The following EFCAB6 variants were observed in gnomAD, a reference collection of about 807,000 sequenced individuals.
EFCAB6 encodes the protein EF-hand calcium binding domain 6, also known as EF-hand calcium-binding domain-containing protein 6.
EFCAB6 carries 156 observed loss-of-function variants against 169.8 expected under a neutral mutation model. That is an observed-to-expected ratio of 0.92 (90% CI 0.81 to 1.05). The LOEUF (loss-of-function observed/expected upper bound fraction) is 1.05, where lower values mean the gene tolerates loss of function less well. Ranked by LOEUF, EFCAB6 falls within the 50% of genes least tolerant of loss-of-function variation. EFCAB6 has a pLI of 0.00. For missense variants in EFCAB6, 1,800 were observed against 1,829.1 expected, an observed-to-expected ratio of 0.98 and a Z score of 0.29; for synonymous variants, 698 against 676.4, an observed-to-expected ratio of 1.03 and a Z score of -0.50.
At chr22:43,711,440 G>T (rs753740192) in intron 10 of EFCAB6, 35 bp downstream of exon 10, 4 of 1,530,834 alleles carry the variant, frequency 2.6e-6, no homozygotes, top group Non-Finnish European at 3.5e-6. Context: ...TGACGTTTGG[G>T]GAAAAAAATG....
chr22:43,639,118 C>T (rs1179909705), intron 17 of EFCAB6, among the ~76,000 whole-genome samples: 1 of 152,132 alleles, frequency 6.6e-6, no homozygotes, highest in Non-Finnish European at 1.5e-5. Flanking sequence ...TGTTATAAAT[C>T]CCACAAGACA....
At chr22:43,682,771 C>T (rs897933427) in intron 12 of EFCAB6, among the ~76,000 whole-genome samples, 3 of 152,222 alleles carry the variant, frequency 2.0e-5, no homozygotes, top group South Asian at 2.1e-4. Flanking sequence ...TCATTTAAGA[C>T]GGTGCCTGGC....
chr22:43,569,269 C>T (rs565054788), intron 26 of EFCAB6, among the ~76,000 whole-genome samples: 3 of 152,342 alleles, frequency 2.0e-5, no homozygotes, highest in South Asian at 4.1e-4. Flanking sequence ...CTCTGTAGCA[C>T]GCTAAGTGAG....
intron 23 of EFCAB6, among the ~76,000 whole-genome samples, chr22:43,594,486 G>A (rs530311477): frequency 6.6e-5 from 10 of 152,180 alleles, no homozygotes; most frequent in African/African-American, 2.2e-4. Context: ...AAGAGCAGGA[G>A]TAGCTATGCT....
rs757545772 is a variant in EFCAB6 at position 43,540,182 on chromosome 22, A to G, written c.3824T>C (p.Leu1275Pro). The change falls in exon 28 of 32, where the codon CTC becomes CCC. Residue 1275 changes from leucine to proline, a missense_variant. Transcript: ENST00000262726. ...PDVSEGTRSA[L>P]SLPTQELRPG... ...TCTCAGCTCCTGAGTGGGCAATGAG[A>G]GGGCAGATCTGGTGCCTTCCGAGAC... is the stretch of plus-strand genomic sequence containing the variant. 29 of 1,614,058 alleles carry G rather than the reference A, an allele frequency of 1.8e-5. No homozygotes were observed. The East Asian group carries it at 6.5e-4, about 36-fold the overall frequency.
At position 43,755,841 on chromosome 22, in the gene EFCAB6, TAA is replaced by T. The variant is rs374847284; in HGVS notation, c.441-11_441-10del. The T allele has an allele frequency of 6.6e-7, 1 of 1,508,040 alleles. No individual in the cohort carries two copies. The highest frequency in any genetic ancestry group is 9.0e-7 in the Non-Finnish European group (1 of 1,116,470). The allele number at this position is 1,508,040 out of a possible 1,614,324, so 93.4% of individuals were successfully genotyped here. On this transcript the variant is annotated splice_polypyrimidine_tract_variant and intron_variant, in intron 5 of 31. Transcript: ENST00000262726. ...TTTCATTCCCACCTCCCCTTAGAAA[TAA>T]AAAAAAAATCTTTATTAAAACATTT...
chr22:43,690,343 CAAAAAAA>C (rs137802), intron 10 of EFCAB6, among the ~76,000 whole-genome samples: 19 of 95,862 alleles, frequency 2.0e-4, no homozygotes, highest in East Asian at 3.9e-4. Flanking sequence ...ACTAAAAATA[CAAAAAAA>C]AAAAAAAAAA....
intron 23 of EFCAB6, among the ~76,000 whole-genome samples, chr22:43,595,903 T>G (rs1296163198): frequency 6.6e-6 from 1 of 152,076 alleles, no homozygotes; most frequent in Non-Finnish European, 1.5e-5. Flanking sequence ...TTCACCATGA[T>G]CAAGTGGAAT....
Position 43,744,111 on chromosome 22 carries a change from A to AATGG in EFCAB6, c.508-8122_508-8119dup, listed in dbSNP as rs745434514. Reference sequence around the variant, plus strand: ...TGATGAATGAATGAATGAATGAATGAATGGATGGGTTATGGATGGATGGAT... The same window carrying AATGG: ...TGATGAATGAATGAATGAATGAATGAATGGATGGATGGGTTATGGATGGATGGAT... On this transcript the variant is annotated intron_variant, in intron 6 of 31. Transcript: ENST00000262726. The surrounding 1 kb of genome is among the most constrained non-coding windows in gnomAD (Gnocchi z 4.3). 2.0e-5 allele frequency among the ~76,000 whole-genome samples: 3 copies of AATGG among 149,530 alleles called. No homozygotes were observed. Among genetic ancestry groups the AATGG allele is most frequent in the African/African-American group, 7.3e-5 (3 of 40,940 alleles).
rs147806364 is a variant in EFCAB6 at position 43,608,554 on chromosome 22, C to T, written c.2609G>A (p.Arg870Gln). The change falls in exon 22 of 32, where the codon CGG (arginine) becomes CAG (glutamine). Residue 870 changes from arginine to glutamine, a missense_variant. Transcript: ENST00000262726. ...ACCGTACAGTGCGTTCTTTATGTCC[C>T]GGCGTCGAAGAATGCCATTGCCCTC... ...DNEGNGILRR[R>Q]DIKNALYGFD... 140 of 1,614,034 alleles carry T rather than the reference C, an allele frequency of 8.7e-5. No homozygotes were observed. The highest frequency in any genetic ancestry group is 1.6e-4 in the Middle Eastern group (1 of 6,084).
chr22:43,575,177 G>T lies in EFCAB6; in HGVS notation c.3420+1120C>A, dbSNP rs528978951. On this transcript the variant is annotated intron_variant, in intron 26 of 31. Coordinates refer to ENST00000262726, the MANE Select transcript of EFCAB6 (RefSeq NM_022785.4). ...TATATTCAGTTAATAGACTGTTTTT[G>T]TTGTTGTTGTTGTTGTTTGTTTGTT... Among the ~76,000 whole-genome samples, 532 of 142,156 alleles carry T rather than the reference G, an allele frequency of 3.7e-3. 2 individuals carry two copies. Among genetic ancestry groups the T allele is most frequent in the African/African-American group, 0.013 (511 of 40,594 alleles). The allele number at this position is 142,156 out of a possible 152,430, so 93.3% of individuals were successfully genotyped here.
At chr22:43,747,617 C>G (rs1223868129) in intron 6 of EFCAB6, among the ~76,000 whole-genome samples, 3 of 152,176 alleles carry the variant, frequency 2.0e-5, no homozygotes, top group African/African-American at 7.2e-5. Context: ...CGTTCACCCC[C>G]GTAGACATCT....
intron 30 of EFCAB6, among the ~76,000 whole-genome samples, chr22:43,531,321 CACCACCTCCCA>C (rs944360979): frequency 3.3e-5 from 5 of 152,100 alleles, no homozygotes; most frequent in African/African-American, 1.2e-4. Flanking sequence ...CTTCAGGCCA[CACCACCTCCCA>C]GGGAATGCAA....
intron 27 of EFCAB6, among the ~76,000 whole-genome samples, chr22:43,546,487 G>A (rs1164164361): frequency 6.6e-6 from 1 of 152,152 alleles, no homozygotes; most frequent in Non-Finnish European, 1.5e-5. Flanking sequence ...GAAGATGGTG[G>A]AATGATATTT....
intron 17 of EFCAB6, among the ~76,000 whole-genome samples, chr22:43,652,521 G>A (rs995523518): frequency 3.3e-5 from 5 of 152,194 alleles, no homozygotes; most frequent in African/African-American, 1.2e-4. Flanking sequence ...TTATGCCCTA[G>A]GAGCAGGAGT....
chr22:43,541,147 G>A (rs778865745), intron 27 of EFCAB6, among the ~76,000 whole-genome samples: 31 of 152,286 alleles, frequency 2.0e-4, no homozygotes, highest in Non-Finnish European at 3.8e-4. Context: ...AGAGGCGAGG[G>A]GAGGCTCAAA....
In EFCAB6 at chr22:43,572,080, G is replaced by A. The variant is rs2049919186; in HGVS notation, c.3420+4217C>T. On this transcript the variant is annotated intron_variant, in intron 26 of 31. Coordinates refer to ENST00000262726, the MANE Select transcript of EFCAB6 (RefSeq NM_022785.4). This position sits in a 1 kb window ranked among gnomAD's most constrained non-coding sequence, Gnocchi z 4.0. ...GGTGGCCGGTGCAGGGATGCGTGCT[G>A]CAGGGACAGTGCCACCTCTGCATCC... 6.6e-6 allele frequency among the ~76,000 whole-genome samples: 1 copy of A among 152,196 alleles called. No homozygotes were observed. Among genetic ancestry groups the A allele is most frequent in the South Asian group, 2.1e-4 (1 of 4,834 alleles).
chr22:43,596,956 A>G (rs1198506560), intron 23 of EFCAB6, among the ~76,000 whole-genome samples: 1 of 152,220 alleles, frequency 6.6e-6, no homozygotes, highest in Non-Finnish European at 1.5e-5. Context: ...ATGCACTTAC[A>G]GCAAATTCAT....
chr22:43,730,984 C>T (rs1192359666), intron 8 of EFCAB6, among the ~76,000 whole-genome samples: 1 of 152,146 alleles, frequency 6.6e-6, no homozygotes, highest in Non-Finnish European at 1.5e-5. Context: ...TTGAGCGAGT[C>T]ATTCAGGGGC....
Sources: gnomAD v4.1 joint callset for allele counts (sites outside exome capture counted in the v4.1 genomes callset) on GRCh38, gnomAD v4.1.1 for gene constraint, Gnocchi (gnomAD v3.1) non-coding constraint, MANE v1.5 for transcripts, NCBI Gene and HGNC (gene_info 2026-07-23, HGNC 2026-07-21) for gene names.